The following PARD6B variants were observed in gnomAD, a reference collection of about 807,000 sequenced individuals.
The protein encoded by PARD6B is par-6 family cell polarity regulator beta.
PARD6B carries 4 observed loss-of-function variants against 10.5 expected under a neutral mutation model. The ratio of observed to expected loss-of-function variants is 0.38; its 90% CI spans 0.19 to 0.87. PARD6B has a LOEUF of 0.87. Among genes scored for constraint, PARD6B ranks in the 40% least tolerant of loss-of-function variants. The pLI is 0.41. For synonymous variants in PARD6B, 169 were observed against 170.4 expected (o/e 0.99, Z 0.07); for missense variants, 396 against 470.6 (o/e 0.84, Z 1.47).
intron 2 of PARD6B, among the ~76,000 whole-genome samples, chr20:50,747,460 T>G (rs540226676): frequency 9.3e-5 from 14 of 150,744 alleles, no homozygotes; most frequent in South Asian, 2.1e-4. Flanking sequence ...TTGTTGTCTT[T>G]TCTTTTCTTT....
At chr20:50,736,711 T>C (rs1371156785) in intron 1 of PARD6B, among the ~76,000 whole-genome samples, 2 of 149,598 alleles carry the variant, frequency 1.3e-5, no homozygotes, top group Admixed American at 6.6e-5. Context: ...TTTTTTTTTT[T>C]CTTTTTTGAG....
chr20:50,750,693 A>G lies in PARD6B; in HGVS notation c.*205A>G. 1 of 1,350,658 alleles carries G rather than the reference A, an allele frequency of 7.4e-7. No individual in the cohort carries two copies. The highest frequency in any genetic ancestry group is 2.8e-5 in the East Asian group (1 of 35,220). 83.7% of individuals were successfully genotyped at this position (1,350,658 alleles called of 1,614,324 possible). On this transcript the variant is annotated 3_prime_UTR_variant, in exon 3 of 3. Coordinates refer to ENST00000371610, the MANE Select transcript of PARD6B (RefSeq NM_032521.3). The stretch of plus-strand genomic sequence containing the variant: ...CAGAGGTGAATTTAAGTCCAAAACA[A>G]AGGGGCCTTTGCTGATGAAGTTACG...
chr20:50,753,199 A>C lies in PARD6B; in HGVS notation c.*2711A>C. 1.0e-6 allele frequency: 1 copy of C among 985,452 alleles called. No individual in the cohort carries two copies. Among genetic ancestry groups the C allele is most frequent in the Middle Eastern group, 5.2e-4 (1 of 1,914 alleles). 61.0% of individuals were successfully genotyped at this position (985,452 alleles called of 1,614,324 possible). The stretch of plus-strand genomic sequence containing the variant: ...CTTGTACGCATTCATGGAAATGGAA[A>C]TCAAAGCTGCTATTGCTTTTTATTT... On this transcript the variant is annotated 3_prime_UTR_variant, in exon 3 of 3. Transcript: ENST00000371610.
chr20:50,746,293 G>T (rs1186830144), intron 2 of PARD6B, among the ~76,000 whole-genome samples: 2 of 152,184 alleles, frequency 1.3e-5, no homozygotes, highest in African/African-American at 4.8e-5. Context: ...CTATTTGTGT[G>T]TAAGAAAGTA....
intron 2 of PARD6B, among the ~76,000 whole-genome samples, chr20:50,743,567 A>G (rs529671215): frequency 1.3e-5 from 2 of 152,316 alleles, no homozygotes; most frequent in African/African-American, 2.4e-5. Flanking sequence ...TTTTAGTAGT[A>G]AATTGTAAAT....
intron 2 of PARD6B, among the ~76,000 whole-genome samples, chr20:50,740,609 A>T (rs1223689322): frequency 6.6e-6 from 1 of 152,200 alleles, no homozygotes; most frequent in Non-Finnish European, 1.5e-5. Context: ...TTGTTGTCAT[A>T]GGAATTACAA....
chr20:50,743,142 A>G (rs2087540043), intron 2 of PARD6B, among the ~76,000 whole-genome samples: 1 of 152,190 alleles, frequency 6.6e-6, no homozygotes, highest in African/African-American at 2.4e-5. Context: ...CATTCCTGTC[A>G]GTTTGGAATT....
chr20:50,745,283 G>A (rs1002729970), intron 2 of PARD6B, among the ~76,000 whole-genome samples: 18 of 152,176 alleles, frequency 1.2e-4, no homozygotes, highest in Admixed American at 7.9e-4. Flanking sequence ...AATTAGCCGG[G>A]CATGGTGGTG....
Position 50,753,314 on chromosome 20 carries a change from T to C in PARD6B, c.*2826T>C, listed in dbSNP as rs1406488407. The C allele has an allele frequency of 4.7e-5, 46 of 984,810 alleles. No homozygotes were observed. The highest frequency in any genetic ancestry group is 1.1e-4 in the East Asian group (1 of 8,816). 61.0% of individuals were successfully genotyped at this position (984,810 alleles called of 1,614,324 possible). On this transcript the variant is annotated 3_prime_UTR_variant, in exon 3 of 3. Transcript: ENST00000371610. ...TGGTGAAATAATTGATTACTAGATA[T>C]ATTGTAAAACCAATAGATCCTGGTT...
In PARD6B at chr20:50,750,949, T is replaced by C; in HGVS notation, c.*461T>C. The C allele has an allele frequency of 1.2e-6, 1 of 850,202 alleles. No individual in the cohort carries two copies. The highest frequency in any genetic ancestry group is 1.3e-4 in the East Asian group (1 of 7,620). 52.7% of individuals were successfully genotyped at this position (850,202 alleles called of 1,614,324 possible). ...AAGGTCTCATGTTCCCAATATTTTA[T>C]TTTGATTTTTTTTTTTTTTTTTTTT... On this transcript the variant is annotated 3_prime_UTR_variant, in exon 3 of 3. Coordinates refer to ENST00000371610, the MANE Select transcript of PARD6B (RefSeq NM_032521.3).
At chr20:50,734,230 T>C (rs575198711) in intron 1 of PARD6B, among the ~76,000 whole-genome samples, 3 of 152,348 alleles carry the variant, frequency 2.0e-5, no homozygotes, top group South Asian at 4.1e-4. Flanking sequence ...ACCTTAACCA[T>C]TTAAAAAATA....
intron 2 of PARD6B, among the ~76,000 whole-genome samples, chr20:50,748,675 C>T (rs6512670): frequency 0.35 from 53,387 of 151,880 alleles, 10,013 homozygotes; most frequent in East Asian, 0.64. Flanking sequence ...TCCAGGCAGA[C>T]GCTACCTACC....
At chr20:50,738,166 C>A in intron 2 of PARD6B, 87 bp downstream of exon 2, 2 of 896,424 alleles carry the variant, frequency 2.2e-6, no homozygotes, top group South Asian at 2.1e-5. Context: ...TTGCCACAAA[C>A]TTAGTGAATA....
chr20:50,749,300 G>C (rs144695518), intron 2 of PARD6B, among the ~76,000 whole-genome samples: 7,215 of 151,052 alleles, frequency 0.048, 220 homozygotes, highest in South Asian at 0.083. Context: ...CCGAGGTCAC[G>C]CCACTGCACT....
At position 50,753,086 on chromosome 20, in the gene PARD6B, TAA is replaced by T. The variant is rs2087623755; in HGVS notation, c.*2600_*2601del. On this transcript the variant is annotated 3_prime_UTR_variant, in exon 3 of 3. Coordinates refer to ENST00000371610, the MANE Select transcript of PARD6B (RefSeq NM_032521.3). ...CACACTACCTCTCTCTTTTTTTTTTTAAAGTTTTAACATCAGAACTTTTGGGG... is the reference window on the plus strand; with the variant it reads ...CACACTACCTCTCTCTTTTTTTTTTTAGTTTTAACATCAGAACTTTTGGGG... 1.0e-6 allele frequency: 1 copy of T among 982,552 alleles called. No homozygotes were observed. Among genetic ancestry groups the T allele is most frequent in the South Asian group, 4.7e-5 (1 of 21,220 alleles). The allele number at this position is 982,552 out of a possible 1,614,324, so 60.9% of individuals were successfully genotyped here.
chr20:50,744,105 C>CTTTTTTT (rs753435244), intron 2 of PARD6B, among the ~76,000 whole-genome samples: 16 of 77,822 alleles, frequency 2.1e-4, no homozygotes, highest in Non-Finnish European at 2.8e-4. Context: ...GAAGTAGCTT[C>CTTTTTTT]TTTTTTTTTT....
In PARD6B at chr20:50,741,715, T is replaced by G. The variant is rs983187438; in HGVS notation, c.289+3636T>G. On this transcript the variant is annotated intron_variant, in intron 2 of 2. Coordinates refer to ENST00000371610, the MANE Select transcript of PARD6B (RefSeq NM_032521.3). ...CGCCAACACACCCGGCTAATTTTTT[T>G]TTTTGTATTGTTAGTAGAGACGGGA... is the stretch of plus-strand genomic sequence containing the variant. Among the ~76,000 whole-genome samples, 16 of 151,974 alleles carry G rather than the reference T, an allele frequency of 1.1e-4. 1 individual carries two copies. The highest frequency in any genetic ancestry group is 4.6e-4 in the Admixed American group (7 of 15,248).
intron 1 of PARD6B, among the ~76,000 whole-genome samples, chr20:50,735,075 G>C (rs996488464): frequency 6.6e-6 from 1 of 152,296 alleles, no homozygotes; most frequent in Admixed American, 6.5e-5. Context: ...GCTTGAACCT[G>C]GGAGGCGGAG....
chr20:50,752,840 A>G lies in PARD6B; in HGVS notation c.*2352A>G. 3.1e-6 allele frequency: 3 copies of G among 979,486 alleles called. No homozygotes were observed. The highest frequency in any genetic ancestry group is 2.4e-6 in the Non-Finnish European group (2 of 824,128). The allele number at this position is 979,486 out of a possible 1,614,324, so 60.7% of individuals were successfully genotyped here. The stretch of plus-strand genomic sequence containing the variant: ...CCACTAAGCATATTATCAGTAAACT[A>G]TTAACTGACTGCACATTATGTAATA... On this transcript the variant is annotated 3_prime_UTR_variant, in exon 3 of 3. Coordinates refer to ENST00000371610, the MANE Select transcript of PARD6B (RefSeq NM_032521.3).
Sources: gnomAD v4.1 joint callset for allele counts (sites outside exome capture counted in the v4.1 genomes callset) on GRCh38, gnomAD v4.1.1 for gene constraint, MANE v1.5 for transcripts, NCBI Gene and HGNC (gene_info 2026-07-23, HGNC 2026-07-21) for gene names.